The following GBF1 variants were observed in gnomAD, a reference collection of about 807,000 sequenced individuals.
The protein encoded by GBF1 is Golgi-specific brefeldin A-resistance guanine nucleotide exchange factor 1.
In GBF1, 114 loss-of-function variants were observed where a neutral mutation model predicts 210.5. The observed-to-expected ratio is 0.54, with a 90% CI of 0.47 to 0.63. The LOEUF (loss-of-function observed/expected upper bound fraction) is 0.63, where lower values mean the gene tolerates loss of function less well. Among genes scored for constraint, GBF1 ranks in the 30% least tolerant of loss-of-function variants. The pLI, the probability that GBF1 is intolerant of heterozygous loss-of-function variation, is 0.00. For synonymous variants in GBF1, 850 were observed against 889.2 expected (o/e 0.96, Z 0.78); for missense variants, 1,851 against 2,357.7 (o/e 0.79, Z 4.45).
intron 17 of GBF1, among the ~76,000 whole-genome samples, chr10:102,364,437 G>T (rs1376200125): frequency 6.7e-6 from 1 of 149,550 alleles, no homozygotes; most frequent in Admixed American, 6.6e-5. Flanking sequence ...TGTTAGCCAG[G>T]GTGGTCTTGA....
At chr10:102,349,115 C>T (rs917470489) in intron 4 of GBF1, among the ~76,000 whole-genome samples, 1 of 152,092 alleles carries the variant, frequency 6.6e-6, no homozygotes, top group Non-Finnish European at 1.5e-5. Flanking sequence ...CACCACTGCA[C>T]CCCAGCCTGG....
At chr10:102,359,494 T>C in intron 11 of GBF1, 59 bp downstream of exon 11, 1 of 1,319,250 alleles carries the variant, frequency 7.6e-7, no homozygotes, top group Non-Finnish European at 1.1e-6. Flanking sequence ...CTAAGCTGCC[T>C]GAGCCTAGAC....
chr10:102,297,516 A>T (rs1400884323), intron 3 of GBF1, among the ~76,000 whole-genome samples: 1 of 152,232 alleles, frequency 6.6e-6, no homozygotes, highest in African/African-American at 2.4e-5. Flanking sequence ...TTGAGGAGAG[A>T]TTACTAGAAA....
intron 22 of GBF1, 39 bp from the exon 23 acceptor site, chr10:102,368,700 C>T: frequency 6.9e-7 from 1 of 1,447,574 alleles, no homozygotes; most frequent in Non-Finnish European, 9.7e-7. Flanking sequence ...GCTTGGCCTT[C>T]CAGTGACTCT....
intron 6 of GBF1, 32 bp from the exon 7 acceptor site, chr10:102,352,426 G>A (rs763447542): frequency 3.4e-6 from 5 of 1,458,558 alleles, no homozygotes; most frequent in Non-Finnish European, 4.8e-6. Context: ...AGCAAGTAAT[G>A]ACACCTGTGT....
intron 35 of GBF1, 25 bp downstream of exon 35, chr10:102,379,676 A>G (rs1365844304): frequency 6.2e-7 from 1 of 1,613,460 alleles, no homozygotes; most frequent in Admixed American, 1.7e-5. Context: ...TGGTCTTAAG[A>G]TAAAGTTCAA....
chr10:102,261,960 C>G lies in GBF1; in HGVS notation c.163+1844C>G, dbSNP rs137894869. Reference sequence around the variant, plus strand: ...TGTGCAGTGGCGTGATCTCAGCTCACTGTAACTTCTGCTTCTTGGGTTCAA... The same window carrying G: ...TGTGCAGTGGCGTGATCTCAGCTCAGTGTAACTTCTGCTTCTTGGGTTCAA... On this transcript the variant is annotated intron_variant, in intron 3 of 39. Coordinates refer to ENST00000369983, the MANE Select transcript of GBF1 (RefSeq NM_001377137.1). 1.4e-3 allele frequency among the ~76,000 whole-genome samples: 213 copies of G among 152,248 alleles called. 4 individuals carry two copies. In the East Asian group the frequency reaches 0.038, roughly 27 times the overall value.
At chr10:102,328,340 A>T (rs117929568) in intron 3 of GBF1, among the ~76,000 whole-genome samples, 3,630 of 152,138 alleles carry the variant, frequency 0.024, 74 homozygotes, top group Non-Finnish European at 0.037. Flanking sequence ...CAAAGAAAAA[A>T]TTTTTTTTAA....
intron 3 of GBF1, among the ~76,000 whole-genome samples, chr10:102,329,939 T>C (rs1024097548): frequency 1.3e-4 from 19 of 151,910 alleles, no homozygotes; most frequent in Admixed American, 6.6e-5. Context: ...CAAGACCCCC[T>C]ATCTACAAAA....
At chr10:102,332,710 T>C (rs927579803) in intron 3 of GBF1, among the ~76,000 whole-genome samples, 26 of 152,092 alleles carry the variant, frequency 1.7e-4, no homozygotes, top group Admixed American at 7.9e-4. Context: ...ATGTAAGTGG[T>C]TGGTACCATT....
chr10:102,294,899 C>T (rs908978010), intron 3 of GBF1, among the ~76,000 whole-genome samples: 7 of 152,140 alleles, frequency 4.6e-5, no homozygotes, highest in African/African-American at 1.7e-4. Flanking sequence ...TTTTGCACAA[C>T]AATGAAATCA....
At chr10:102,326,768 G>C (rs1298431967) in intron 3 of GBF1, among the ~76,000 whole-genome samples, 1 of 152,016 alleles carries the variant, frequency 6.6e-6, no homozygotes, top group Non-Finnish European at 1.5e-5. Context: ...GAATCACACA[G>C]GATATACTCT....
intron 13 of GBF1, 133 bp from the exon 14 acceptor site, chr10:102,361,585 C>T (rs2059606404): frequency 1.7e-6 from 1 of 601,834 alleles, no homozygotes; most frequent in South Asian, 2.1e-5. Flanking sequence ...GATGGAATAC[C>T]TTTGGGTGTC....
chr10:102,235,870 C>T, the GBF1 span, among the ~76,000 whole-genome samples: 1 of 152,148 alleles, frequency 6.6e-6, no homozygotes, highest in Non-Finnish European at 1.5e-5. Context: ...GCATAGGTGA[C>T]CCAGTCAACA....
Position 102,375,406 on chromosome 10 carries a change from A to G in GBF1, c.3708A>G (p.Leu1236=), listed in dbSNP as rs756963680. 6.2e-7 allele frequency: 1 copy of G among 1,613,924 alleles called. No homozygotes were observed. The highest frequency in any genetic ancestry group is 8.5e-7 in the Non-Finnish European group (1 of 1,179,834). The change falls in exon 30 of 40, where the codon CTA becomes CTG. Residue 1236 remains leucine (L), a synonymous_variant. Coordinates refer to ENST00000369983, the MANE Select transcript of GBF1 (RefSeq NM_001377137.1). ...TGCTACTGATGAAGCCCAGTGTGCT[A>G]TCCCGAGTCAGCCACCAGGTTGCGT... is the stretch of plus-strand genomic sequence containing the variant. ...RILLLMKPSV[L]SRVSHQVAYG...
rs945203912 is a variant in GBF1 at position 102,308,509 on chromosome 10, A to G, written c.164-35542A>G. Among the ~76,000 whole-genome samples, 2 of 152,180 alleles carry G rather than the reference A, an allele frequency of 1.3e-5. 1 individual carries two copies. Among genetic ancestry groups the G allele is most frequent in the Admixed American group, 1.3e-4 (2 of 15,274 alleles). On this transcript the variant is annotated intron_variant, in intron 3 of 39. Transcript: ENST00000369983. The stretch of plus-strand genomic sequence containing the variant: ...AACAGTGATAGACCGGATTAAGAAA[A>G]TGTGGCACATATACACCATGGAATA...
chr10:102,344,629 C>T (rs761663005), intron 4 of GBF1, among the ~76,000 whole-genome samples: 3 of 151,912 alleles, frequency 2.0e-5, no homozygotes, highest in Non-Finnish European at 2.9e-5. Flanking sequence ...TACAGGCGCC[C>T]ACCACCACGC....
intron 3 of GBF1, among the ~76,000 whole-genome samples, chr10:102,289,999 T>C (rs2076301892): frequency 6.6e-6 from 1 of 152,060 alleles, no homozygotes; most frequent in Non-Finnish European, 1.5e-5. Context: ...TAGTCCCAGC[T>C]ACTCAGGAGG....
chr10:102,358,817 C>T (rs1368618059), intron 10 of GBF1, 88 bp downstream of exon 10: 11 of 822,706 alleles, frequency 1.3e-5, no homozygotes, highest in East Asian at 8.0e-5. Flanking sequence ...GGACTTGGCT[C>T]GAAAGAAGCT....
Sources: allele counts gnomAD v4.1 joint callset (sites outside exome capture counted in the v4.1 genomes callset), GRCh38; gene constraint gnomAD v4.1.1; transcripts MANE v1.5; gene names NCBI Gene and HGNC (gene_info 2026-07-23, HGNC 2026-07-21).